The following CCDC146 variants were observed in gnomAD, a reference collection of about 807,000 sequenced individuals.
The protein encoded by CCDC146 is coiled-coil domain containing 146.
CCDC146 carries 92 observed loss-of-function variants against 119.3 expected under a neutral mutation model. That is an observed-to-expected ratio of 0.77 (90% CI 0.65 to 0.92). The LOEUF (loss-of-function observed/expected upper bound fraction) is 0.92. Among genes scored for constraint, CCDC146 ranks in the 40% least tolerant of loss-of-function variants. CCDC146 has a pLI of 0.00. For missense variants in CCDC146, 1,000 were observed against 1,103.0 expected (o/e 0.91, Z 1.32); for synonymous variants, 372 against 371.8 (o/e 1.00, Z -0.01).
chr7:77,152,241 T>G (rs1451688815), intron 1 of CCDC146, among the ~76,000 whole-genome samples: 10 of 152,206 alleles, frequency 6.6e-5, no homozygotes, highest in Non-Finnish European at 1.5e-4. Context: ...TTATTTTTAC[T>G]TTTAATTTCT....
At chr7:77,197,628 A>C (rs2150432359) in intron 2 of CCDC146, among the ~76,000 whole-genome samples, 1 of 152,340 alleles carries the variant, frequency 6.6e-6, no homozygotes, top group South Asian at 2.1e-4. Context: ...TACTGTCAGA[A>C]GGTTTTATAG....
At chr7:77,140,159 T>C (rs898686856) in intron 1 of CCDC146, among the ~76,000 whole-genome samples, 33 of 151,832 alleles carry the variant, frequency 2.2e-4, no homozygotes, top group Admixed American at 8.5e-4. Context: ...CCTCCCAAAG[T>C]GCTGGGATTA....
At chr7:77,257,802 G>A (rs952352569) in intron 6 of CCDC146, 1 of 152,168 alleles carries the variant, frequency 6.6e-6, no homozygotes, top group African/African-American at 2.4e-5. Context: ...TGCTGAGTAC[G>A]TAAGACTCTT....
intron 2 of CCDC146, among the ~76,000 whole-genome samples, chr7:77,182,628 A>C (rs2150417549): frequency 6.6e-6 from 1 of 152,164 alleles, no homozygotes; most frequent in East Asian, 1.9e-4. Flanking sequence ...ATAAACAAAC[A>C]AAAAACTACA....
intron 2 of CCDC146, among the ~76,000 whole-genome samples, chr7:77,209,285 G>A (rs767147736): frequency 5.9e-5 from 9 of 152,146 alleles, no homozygotes; most frequent in Non-Finnish European, 1.3e-4. Context: ...AACAAAGTAG[G>A]TACAGGCCCC....
chr7:77,249,486 C>CAA (rs36137608), intron 4 of CCDC146, among the ~76,000 whole-genome samples: 8 of 96,674 alleles, frequency 8.3e-5, no homozygotes, highest in African/African-American at 1.6e-4. Flanking sequence ...GACTCTGTCT[C>CAA]AAAAAAAAAA....
chr7:77,259,898 AG>A (rs1793255545), intron 7 of CCDC146, 110 bp from the exon 8 acceptor site: 1 of 740,814 alleles, frequency 1.3e-6, no homozygotes. Context: ...ATGGTTAGAA[AG>A]CAAGAATAGG....
chr7:77,284,098 A>G (rs1391280709), intron 15 of CCDC146, among the ~76,000 whole-genome samples: 1 of 152,158 alleles, frequency 6.6e-6, no homozygotes, highest in Non-Finnish European at 1.5e-5. Context: ...CTTCTGTGCC[A>G]TGTCTGCAAA....
intron 2 of CCDC146, among the ~76,000 whole-genome samples, chr7:77,235,240 T>C (rs1792712032): frequency 6.6e-6 from 1 of 152,212 alleles, no homozygotes; most frequent in Non-Finnish European, 1.5e-5. Context: ...AAAATGTTTT[T>C]AATAATGTAA....
intron 14 of CCDC146, among the ~76,000 whole-genome samples, chr7:77,281,113 C>CA (rs368247535): frequency 0.21 from 28,236 of 131,542 alleles, 4,114 homozygotes; most frequent in African/African-American, 0.43. Flanking sequence ...CAAAAACAAA[C>CA]AAAAAAAAAA....
chr7:77,223,892 G>A (rs1428848762), intron 2 of CCDC146, among the ~76,000 whole-genome samples: 1 of 152,114 alleles, frequency 6.6e-6, no homozygotes, highest in Non-Finnish European at 1.5e-5. Flanking sequence ...AAATAATAGA[G>A]GCATCTGAAA....
intron 2 of CCDC146, among the ~76,000 whole-genome samples, chr7:77,193,143 T>C (rs1461821553): frequency 2.6e-5 from 4 of 152,058 alleles, no homozygotes; most frequent in African/African-American, 9.7e-5. Flanking sequence ...GCAACACTAA[T>C]AACGGAAAAA....
intron 1 of CCDC146, among the ~76,000 whole-genome samples, chr7:77,132,977 G>C (rs1790807408): frequency 6.6e-6 from 1 of 151,996 alleles, no homozygotes; most frequent in African/African-American, 2.4e-5. Flanking sequence ...TTCAAGACCA[G>C]TCTGGCTAAC....
chr7:77,270,731 C>T (rs1418195463), intron 9 of CCDC146, among the ~76,000 whole-genome samples: 1 of 152,190 alleles, frequency 6.6e-6, no homozygotes, highest in Non-Finnish European at 1.5e-5. Flanking sequence ...CAGGTAGGCA[C>T]AACCGGTTAT....
At chr7:77,152,975 CT>C (rs1791128354) in intron 1 of CCDC146, among the ~76,000 whole-genome samples, 1 of 152,180 alleles carries the variant, frequency 6.6e-6, no homozygotes, top group Admixed American at 6.5e-5. Flanking sequence ...GAAACAGCTA[CT>C]AAGAGGTTGC....
intron 1 of CCDC146, among the ~76,000 whole-genome samples, chr7:77,132,626 A>T (rs1175587733): frequency 6.6e-6 from 1 of 151,920 alleles, no homozygotes; most frequent in Non-Finnish European, 1.5e-5. Flanking sequence ...AGTCCCAACT[A>T]CCCAGGACAA....
At chr7:77,274,819 A>G (rs1407517505) in intron 11 of CCDC146, among the ~76,000 whole-genome samples, 167 bp downstream of exon 11, 1 of 152,164 alleles carries the variant, frequency 6.6e-6, no homozygotes, top group Non-Finnish European at 1.5e-5. Context: ...ATAGATGGGA[A>G]TTGAACAATG....
chr7:77,281,917 G>A (rs1057213065), intron 14 of CCDC146, among the ~76,000 whole-genome samples: 2 of 152,192 alleles, frequency 1.3e-5, no homozygotes, highest in Non-Finnish European at 2.9e-5. Context: ...GTGCACCCAG[G>A]TGCCACTCAG....
At chr7:77,137,302 G>GA (rs543963373) in intron 1 of CCDC146, among the ~76,000 whole-genome samples, 7,193 of 144,360 alleles carry the variant, frequency 0.05, 606 homozygotes, top group African/African-American at 0.17. Flanking sequence ...AGATTGGGAA[G>GA]AAAAAAAATA....
Sources: allele counts gnomAD v4.1 joint callset (sites outside exome capture counted in the v4.1 genomes callset), GRCh38; gene constraint gnomAD v4.1.1; transcripts MANE v1.5; gene names NCBI Gene and HGNC (gene_info 2026-07-23, HGNC 2026-07-21).